Variants in FER observed in about 807,000 individuals in gnomAD.
FER encodes the protein tyrosine-protein kinase Fer.
FER carries 63 observed loss-of-function variants against 111.0 expected under a neutral mutation model. That is an observed-to-expected ratio of 0.57 (90% CI 0.46 to 0.70). The LOEUF is 0.70. FER is among the 30% of genes least tolerant of loss of function. The pLI is 0.00. For synonymous variants in FER, 327 were observed against 313.9 expected, an observed-to-expected ratio of 1.04 and a Z score of -0.44; for missense variants, 914 against 954.0, an observed-to-expected ratio of 0.96 and a Z score of 0.55.
intron 5 of FER, among the ~76,000 whole-genome samples, chr5:108,862,656 C>T (rs1236230279): frequency 5.3e-5 from 8 of 152,168 alleles, no homozygotes; most frequent in South Asian, 2.1e-4. Flanking sequence ...TACTCAAATA[C>T]ACTTGCATGG....
intron 5 of FER, among the ~76,000 whole-genome samples, chr5:108,865,607 T>G (rs986331854): frequency 2.6e-5 from 4 of 152,032 alleles, no homozygotes; most frequent in African/African-American, 9.7e-5. Flanking sequence ...ACTAAAGAGC[T>G]TCTGCACAGC....
chr5:108,783,456 T>C (rs892372989), intron 2 of FER, among the ~76,000 whole-genome samples: 7 of 152,236 alleles, frequency 4.6e-5, no homozygotes, highest in African/African-American at 1.2e-4. Flanking sequence ...GGTGTTTGCA[T>C]TGGTTGATTG....
At chr5:108,869,466 T>G (rs904361968) in intron 6 of FER, among the ~76,000 whole-genome samples, 1 of 152,056 alleles carries the variant, frequency 6.6e-6, no homozygotes, top group Non-Finnish European at 1.5e-5. Context: ...TCTTTGCAGA[T>G]GTAATTAGTC....
At chr5:108,920,616 C>T (rs1018931752) in intron 10 of FER, among the ~76,000 whole-genome samples, 1 of 152,074 alleles carries the variant, frequency 6.6e-6, no homozygotes, top group Admixed American at 6.5e-5. Flanking sequence ...CTTGATATTA[C>T]CTCCAAAATA....
intron 16 of FER, among the ~76,000 whole-genome samples, chr5:109,090,622 A>G (rs1778065108): frequency 2.0e-5 from 3 of 152,230 alleles, no homozygotes; most frequent in African/African-American, 7.2e-5. Flanking sequence ...ACAAAATGAG[A>G]ATACTCACAG....
At chr5:109,015,856 T>C in intron 13 of FER, among the ~76,000 whole-genome samples, 1 of 152,026 alleles carries the variant, frequency 6.6e-6, no homozygotes, top group South Asian at 2.1e-4. Context: ...GTGTGCCTTT[T>C]TCCACCTCCT....
chr5:108,790,980 T>A (rs1470802232), intron 2 of FER, among the ~76,000 whole-genome samples: 1 of 152,246 alleles, frequency 6.6e-6, no homozygotes, highest in Non-Finnish European at 1.5e-5. Flanking sequence ...TATCAATACT[T>A]CCTTTTCATT....
At chr5:108,995,505 G>C (rs1763872571) in intron 13 of FER, among the ~76,000 whole-genome samples, 1 of 151,662 alleles carries the variant, frequency 6.6e-6, no homozygotes, top group African/African-American at 2.4e-5. Flanking sequence ...TTATGAATGA[G>C]AACATGTGGT....
chr5:109,043,065 C>G (rs1021013303), intron 14 of FER, among the ~76,000 whole-genome samples: 2 of 152,080 alleles, frequency 1.3e-5, no homozygotes, highest in East Asian at 3.9e-4. Context: ...TCAGGGTAAC[C>G]TTTCTGAGAT....
intron 10 of FER, among the ~76,000 whole-genome samples, chr5:108,918,685 C>T (rs1032856647): frequency 1.6e-4 from 24 of 152,048 alleles, no homozygotes; most frequent in Non-Finnish European, 7.4e-5. Context: ...GACGGGGTTT[C>T]ACTGTGTTAG....
intron 16 of FER, among the ~76,000 whole-genome samples, chr5:109,078,175 A>G (rs1269056553): frequency 6.6e-6 from 1 of 152,166 alleles, no homozygotes; most frequent in African/African-American, 2.4e-5. Context: ...GCAAAATGAA[A>G]GACATATGTG....
chr5:109,031,411 C>T (rs1185448403), intron 13 of FER, among the ~76,000 whole-genome samples: 7 of 152,128 alleles, frequency 4.6e-5, no homozygotes, highest in Admixed American at 6.6e-5. Context: ...TGTCCAATGA[C>T]CATAGTATTT....
At position 109,195,726 on chromosome 5, in the gene FER, A is replaced by C. The variant is rs1333793659; in HGVS notation, c.*8151A>C. 6.6e-6 allele frequency: 1 copy of C among 152,228 alleles called. No individual in the cohort carries two copies. The highest frequency in any genetic ancestry group is 6.5e-5 in the Admixed American group (1 of 15,282). 9.4% of individuals were successfully genotyped at this position (152,228 alleles called of 1,614,324 possible). ...CATGATCAGACTGTCAATGTGGACC[A>C]GTGGCCAGGAGCATATTTATGGGCC... On this transcript the variant is annotated 3_prime_UTR_variant, in exon 20 of 20. Transcript: ENST00000281092.
At chr5:109,030,785 C>T (rs1028824033) in intron 13 of FER, among the ~76,000 whole-genome samples, 3 of 152,164 alleles carry the variant, frequency 2.0e-5, no homozygotes, top group African/African-American at 7.2e-5. Flanking sequence ...GCCCTGTCAT[C>T]TCTGGCAAGG....
chr5:108,872,312 A>AC, intron 8 of FER, 100 bp downstream of exon 8: 1 of 1,194,030 alleles, frequency 8.4e-7, no homozygotes, highest in South Asian at 1.9e-5. Flanking sequence ...CAAGTATTGA[A>AC]CAGTAAATTT....
At chr5:108,895,810 T>C (rs1749004441) in intron 9 of FER, among the ~76,000 whole-genome samples, 2 of 152,228 alleles carry the variant, frequency 1.3e-5, no homozygotes. Context: ...AAAATGTATA[T>C]TATTTACTTC....
chr5:109,120,507 G>T lies in FER; in HGVS notation c.2048+19988G>T, dbSNP rs191058090. Among the ~76,000 whole-genome samples, 10 of 152,144 alleles carry T rather than the reference G, an allele frequency of 6.6e-5. No individual in the cohort carries two copies. The East Asian group carries it at 1.9e-3, about 29-fold the overall frequency. On this transcript the variant is annotated intron_variant, in intron 17 of 19. Transcript: ENST00000281092. ...ATTCTGTTTTGGGTACTATAGCTCT[G>T]TAGTATATTTTATAGTCAGGTAATG...
At chr5:108,813,806 A>G (rs1758001082) in intron 3 of FER, among the ~76,000 whole-genome samples, 1 of 152,010 alleles carries the variant, frequency 6.6e-6, no homozygotes, top group African/African-American at 2.4e-5. Context: ...TCTGGCAACA[A>G]TACTTCCTTT....
At chr5:109,060,434 A>G (rs1774243180) in intron 16 of FER, among the ~76,000 whole-genome samples, 1 of 152,074 alleles carries the variant, frequency 6.6e-6, no homozygotes, top group Non-Finnish European at 1.5e-5. Flanking sequence ...TATCTGTAAA[A>G]TAATACTTTG....
Sources: allele counts gnomAD v4.1 joint callset (sites outside exome capture counted in the v4.1 genomes callset), GRCh38; gene constraint gnomAD v4.1.1; transcripts MANE v1.5; gene names NCBI Gene and HGNC (gene_info 2026-07-23, HGNC 2026-07-21).